Variants in VSTM2B observed in about 807,000 individuals in gnomAD.
VSTM2B encodes V-set and transmembrane domain-containing protein 2B.
Under a neutral mutation model 24.0 loss-of-function variants are expected in VSTM2B, and 24 were observed. The ratio of observed to expected loss-of-function variants is 1.00; its 90% CI spans 0.72 to 1.40. The LOEUF is 1.40. Ranked by LOEUF, VSTM2B falls within the 40% of genes most tolerant of loss-of-function variation. VSTM2B has a pLI of 0.00. For synonymous variants in VSTM2B, 226 were observed against 194.4 expected (o/e 1.16, Z -1.35); for missense variants, 399 against 416.4 (o/e 0.96, Z 0.36).
chr19:29,546,471 T>G (rs1272429930), intron 4 of VSTM2B, among the ~76,000 whole-genome samples: 1 of 152,214 alleles, frequency 6.6e-6, no homozygotes, highest in Non-Finnish European at 1.5e-5. Flanking sequence ...GGAAAGTGGT[T>G]TCTACCTCCT....
At chr19:29,541,211 G>A (rs1471626458) in intron 4 of VSTM2B, among the ~76,000 whole-genome samples, 17 of 152,244 alleles carry the variant, frequency 1.1e-4, no homozygotes, top group Non-Finnish European at 2.5e-4. Flanking sequence ...TGGGGTTTGA[G>A]TGGCTAGGGC....
rs984095511 is a variant in VSTM2B at position 29,529,902 on chromosome 19, C to A, written c.381C>A (p.Cys127Ter). 141 of 1,550,304 alleles carry A rather than the reference C, an allele frequency of 9.1e-5. No homozygotes were observed. The highest frequency in any genetic ancestry group is 1.1e-4 in the Non-Finnish European group (131 of 1,146,852). Reference protein sequence around the residue: ...VRLQDEGVYECRVSDYSDDDT... With the variant: ...VRLQDEGVYE The stretch of plus-strand genomic sequence containing the variant: ...TGCAGGACGAGGGCGTGTACGAGTG[C>A]CGCGTGTCGGACTACAGCGACGACG... Residue 127 changes from cysteine to a stop codon, truncating the protein, a stop_gained, in exon 4 of 5, where the codon TGC becomes TGA. Coordinates refer to ENST00000335523, the MANE Select transcript of VSTM2B (RefSeq NM_001146339.2). LOFTEE classifies it high-confidence loss of function.
chr19:29,559,921 G>A (rs553081090), intron 4 of VSTM2B, among the ~76,000 whole-genome samples: 2 of 152,260 alleles, frequency 1.3e-5, no homozygotes, highest in South Asian at 4.1e-4. Context: ...CAGCAATTTG[G>A]GCTGGGCTCA....
chr19:29,526,849 G>A lies in VSTM2B; in HGVS notation c.82+184G>A, dbSNP rs1057168478. On this transcript the variant is annotated intron_variant, in intron 1 of 4. Transcript: ENST00000335523. This position sits in a 1 kb window ranked among gnomAD's most constrained non-coding sequence, Gnocchi z 4.1. ...GAAGGGTCGCCGCAGCAGCAGCGCCGCGCCCGAGTCGTTCCCAGTCCCGCC... is the reference window on the plus strand; with the variant it reads ...GAAGGGTCGCCGCAGCAGCAGCGCCACGCCCGAGTCGTTCCCAGTCCCGCC... The A allele has an allele frequency of 1.8e-6, 1 of 550,518 alleles. No homozygotes were observed. Among genetic ancestry groups the A allele is most frequent in the South Asian group, 2.9e-5 (1 of 34,124 alleles). The allele number at this position is 550,518 out of a possible 1,614,324, so 34.1% of individuals were successfully genotyped here. A position where few individuals can be genotyped will look rare whatever the true frequency, so the allele number is the denominator to read the frequency against.
intron 1 of VSTM2B, 109 bp from the exon 2 acceptor site, chr19:29,527,102 G>T: frequency 2.0e-6 from 2 of 983,808 alleles, no homozygotes; most frequent in Non-Finnish European, 3.0e-6. Context: ...AGCAGCTGCG[G>T]GGTGGGGGGC....
chr19:29,555,664 T>C (rs1970389252), intron 4 of VSTM2B, among the ~76,000 whole-genome samples: 1 of 151,832 alleles, frequency 6.6e-6, no homozygotes, highest in South Asian at 2.1e-4. Context: ...GACTGCCAGC[T>C]AGACTAATAA....
upstream of VSTM2B, chr19:29,525,770 T>A (rs1969542578): frequency 6.7e-6 from 1 of 149,138 alleles, no homozygotes; most frequent in South Asian, 2.1e-4. Flanking sequence ...AGAGTTTGGG[T>A]GGGAGGACTC....
At chr19:29,555,694 T>G (rs1023195639) in intron 4 of VSTM2B, among the ~76,000 whole-genome samples, 1 of 151,206 alleles carries the variant, frequency 6.6e-6, no homozygotes, top group Non-Finnish European at 1.5e-5. Context: ...GAAAGAAGAA[T>G]GAAATAGAAA....
intron 4 of VSTM2B, among the ~76,000 whole-genome samples, chr19:29,559,481 G>A (rs1970481472): frequency 6.6e-6 from 1 of 152,152 alleles, no homozygotes; most frequent in Non-Finnish European, 1.5e-5. Flanking sequence ...GCTAGGGGAG[G>A]GATAGCATTA....
At chr19:29,540,513 A>G (rs1489876276) in intron 4 of VSTM2B, among the ~76,000 whole-genome samples, 2 of 152,220 alleles carry the variant, frequency 1.3e-5, no homozygotes, top group Non-Finnish European at 2.9e-5. Context: ...CAGGGCTCCC[A>G]GCAGTTCTTT....
In VSTM2B at chr19:29,555,926, A is replaced by G. The variant is rs141829873; in HGVS notation, c.770-7920A>G. On this transcript the variant is annotated intron_variant, in intron 4 of 4. Coordinates refer to ENST00000335523, the MANE Select transcript of VSTM2B (RefSeq NM_001146339.2). Reference sequence around the variant, plus strand: ...TTGAGGCAGTAATAAATAGCCTACCAACCAACAAAAGCCTGGGACCAGATG... The same window carrying G: ...TTGAGGCAGTAATAAATAGCCTACCGACCAACAAAAGCCTGGGACCAGATG... Among the ~76,000 whole-genome samples the G allele has an allele frequency of 5.9e-5, 9 of 152,288 alleles. No homozygotes were observed. In the East Asian group the frequency reaches 1.7e-3, roughly 29 times the overall value.
At chr19:29,554,048 C>T (rs1200722848) in intron 4 of VSTM2B, among the ~76,000 whole-genome samples, 1 of 152,148 alleles carries the variant, frequency 6.6e-6, no homozygotes, top group Non-Finnish European at 1.5e-5. Flanking sequence ...GACAGGCCAA[C>T]ATTCAAATTC....
intron 4 of VSTM2B, among the ~76,000 whole-genome samples, chr19:29,537,074 T>C (rs916066991): frequency 2.0e-5 from 3 of 148,124 alleles, no homozygotes; most frequent in Non-Finnish European, 4.4e-5. Context: ...CTTGTAAACT[T>C]GTATCCAGAG....
intron 2 of VSTM2B, among the ~76,000 whole-genome samples, chr19:29,528,110 A>C (rs1379807458): frequency 1.3e-5 from 2 of 152,110 alleles, no homozygotes; most frequent in Non-Finnish European, 1.5e-5. Context: ...ATTTTGAGCC[A>C]CGCGGCAGGG....
At chr19:29,528,330 C>A in intron 2 of VSTM2B, 103 bp from the exon 3 acceptor site, 1 of 1,485,496 alleles carries the variant, frequency 6.7e-7, no homozygotes, top group East Asian at 2.5e-5. Context: ...CGGTTTCGGT[C>A]CTAGCCTGCC....
rs1970593444 is a variant in VSTM2B at position 29,563,997 on chromosome 19, G to C, written c.*63G>C. Reference sequence around the variant, plus strand: ...TGACCTGCCCGGGGCCCTCGGTGAGGACCATGTCGCTGGATGGACACAGAG... The same window carrying C: ...TGACCTGCCCGGGGCCCTCGGTGAGCACCATGTCGCTGGATGGACACAGAG... On this transcript the variant is annotated 3_prime_UTR_variant, in exon 5 of 5. Coordinates refer to ENST00000335523, the MANE Select transcript of VSTM2B (RefSeq NM_001146339.2). The C allele has an allele frequency of 7.5e-7, 1 of 1,339,634 alleles. No individual in the cohort carries two copies. The highest frequency in any genetic ancestry group is 1.4e-5 in the African/African-American group (1 of 69,006). 83.0% of individuals were successfully genotyped at this position (1,339,634 alleles called of 1,614,324 possible).
chr19:29,529,824 A>G lies in VSTM2B; in HGVS notation c.303A>G (p.Val101=), dbSNP rs1400042787. ...CTAACCCTGCTCTCTTGCAGACCGT[A>G]CGCGTCCAGGGCAATGACATCTCAC... ...TNKDATKIST[V]RVQGNDISHR... Residue 101 remains valine, a synonymous_variant, in exon 4 of 5, where the codon GTA becomes GTG. Coordinates refer to ENST00000335523, the MANE Select transcript of VSTM2B (RefSeq NM_001146339.2). The G allele has an allele frequency of 3.2e-6, 5 of 1,549,408 alleles. No homozygotes were observed. Among genetic ancestry groups the G allele is most frequent in the Non-Finnish European group, 2.6e-6 (3 of 1,146,430 alleles).
intron 1 of VSTM2B, 123 bp from the exon 2 acceptor site, chr19:29,527,088 A>T: frequency 1.1e-6 from 1 of 874,052 alleles, no homozygotes; most frequent in Non-Finnish European, 1.7e-6. Context: ...GCCGTGCGCC[A>T]GGGAGCAGCT....
Position 29,526,846 on chromosome 19 carries a change from G to T in VSTM2B, c.82+181G>T. 3.6e-6 allele frequency: 2 copies of T among 557,104 alleles called. No homozygotes were observed. The highest frequency in any genetic ancestry group is 5.9e-6 in the Non-Finnish European group (2 of 336,344). The allele number at this position is 557,104 out of a possible 1,614,324, so 34.5% of individuals were successfully genotyped here. ...GGCGAAGGGTCGCCGCAGCAGCAGC[G>T]CCGCGCCCGAGTCGTTCCCAGTCCC... On this transcript the variant is annotated intron_variant, in intron 1 of 4. Coordinates refer to ENST00000335523, the MANE Select transcript of VSTM2B (RefSeq NM_001146339.2). The surrounding 1 kb of genome is among the most constrained non-coding windows in gnomAD (Gnocchi z 4.1).
Sources: gnomAD v4.1 joint callset for allele counts (sites outside exome capture counted in the v4.1 genomes callset) on GRCh38, gnomAD v4.1.1 for gene constraint, Gnocchi (gnomAD v3.1) non-coding constraint, MANE v1.5 for transcripts, NCBI Gene and HGNC (gene_info 2026-07-23, HGNC 2026-07-21) for gene names.